Variants in DLGAP2 observed in about 807,000 individuals in gnomAD.
DLGAP2 encodes the protein DLG associated protein 2.
Under a neutral mutation model 100.3 loss-of-function variants are expected in DLGAP2, and 26 were observed. The ratio of observed to expected loss-of-function variants is 0.26; its 90% CI spans 0.19 to 0.36. The LOEUF (loss-of-function observed/expected upper bound fraction) is 0.36. Among genes scored for constraint, DLGAP2 ranks in the 10% least tolerant of loss-of-function variants. The pLI is 1.00. For synonymous variants in DLGAP2, 886 were observed against 630.1 expected, an observed-to-expected ratio of 1.41 and a Z score of -6.08; for missense variants, 1,858 against 1,453.2, an observed-to-expected ratio of 1.28 and a Z score of -4.53.
Position 1,437,476 on chromosome 8 carries a change from A to G in DLGAP2, c.107-63890A>G, listed in dbSNP as rs74409179. Reference sequence around the variant, plus strand: ...AAGACGATGTTTTCGGTGAAGCGCTATTTTACCAAATTTCTGAGCAGGTTC... The same window carrying G: ...AAGACGATGTTTTCGGTGAAGCGCTGTTTTACCAAATTTCTGAGCAGGTTC... On this transcript the variant is annotated intron_variant, in intron 3 of 14. Coordinates refer to ENST00000637795, the MANE Select transcript of DLGAP2 (RefSeq NM_001346810.2). 2.6e-4 allele frequency among the ~76,000 whole-genome samples: 39 copies of G among 152,268 alleles called. No individual in the cohort carries two copies. In the East Asian group the frequency reaches 7.1e-3, roughly 28 times the overall value.
At chr8:739,417 G>C (rs1460752579) in intron 1 of DLGAP2, 1 of 152,284 alleles carries the variant, frequency 6.6e-6, no homozygotes, top group African/African-American at 2.4e-5. Context: ...GCCCGAGGGA[G>C]TCCAGGAGGC....
chr8:1,590,079 G>C (rs4387000), intron 6 of DLGAP2, among the ~76,000 whole-genome samples: 80,130 of 152,020 alleles, frequency 0.53, 21,922 homozygotes, highest in African/African-American at 0.68. Flanking sequence ...GTGGCTGTGG[G>C]TGCATCACTC....
intron 3 of DLGAP2, among the ~76,000 whole-genome samples, chr8:1,495,683 G>A (rs962956050): frequency 2.6e-5 from 4 of 151,948 alleles, no homozygotes; most frequent in East Asian, 3.9e-4. Context: ...TCTTTGCCTC[G>A]CAGGATGCAG....
At chr8:1,317,231 C>T (rs1431293986) in intron 3 of DLGAP2, among the ~76,000 whole-genome samples, 5 of 134,320 alleles carry the variant, frequency 3.7e-5, no homozygotes, top group East Asian at 4.4e-4. Flanking sequence ...CACTCGGCAG[C>T]GTTTAAAAAT....
At chr8:1,337,924 T>G (rs369936036) in intron 3 of DLGAP2, among the ~76,000 whole-genome samples, 12 of 152,216 alleles carry the variant, frequency 7.9e-5, no homozygotes, top group African/African-American at 2.7e-4. Context: ...AATGTTCCAC[T>G]AAGTACAGGG....
intron 3 of DLGAP2, among the ~76,000 whole-genome samples, chr8:1,447,128 G>C (rs559458924): frequency 6.6e-6 from 1 of 152,168 alleles, no homozygotes; most frequent in Non-Finnish European, 1.5e-5. Context: ...TCCAGCACTA[G>C]GTTGAATAGG....
chr8:1,272,223 C>A (rs951887819), intron 3 of DLGAP2, among the ~76,000 whole-genome samples: 1 of 152,078 alleles, frequency 6.6e-6, no homozygotes, highest in African/African-American at 2.4e-5. Context: ...AAATGTAGGA[C>A]AAATTGAATT....
At chr8:1,112,710 T>A (rs563567274) in intron 2 of DLGAP2, among the ~76,000 whole-genome samples, 2 of 152,376 alleles carry the variant, frequency 1.3e-5, no homozygotes, top group Admixed American at 1.3e-4. Context: ...CTACAGAGGT[T>A]CTTAAGTTTA....
At chr8:1,666,234 AG>A (rs1563050781) in intron 8 of DLGAP2, among the ~76,000 whole-genome samples, 1 of 152,222 alleles carries the variant, frequency 6.6e-6, no homozygotes, top group African/African-American at 2.4e-5. Context: ...GGGAAAAGTC[AG>A]GAACAAAAGA....
intron 3 of DLGAP2, among the ~76,000 whole-genome samples, chr8:1,307,171 A>G (rs1800510816): frequency 9.6e-6 from 1 of 103,760 alleles, no homozygotes; most frequent in Non-Finnish European, 1.9e-5. Flanking sequence ...TACCTACACT[A>G]TTTAAATAAC....
chr8:796,825 T>C lies in DLGAP2; in HGVS notation c.18+59000T>C, dbSNP rs554396875. Reference sequence around the variant, plus strand: ...CTGGCACCATGACAGCCAGGTGGCTTCTGTGTTCCAGCCTCCTGGGGCCAC... The same window carrying C: ...CTGGCACCATGACAGCCAGGTGGCTCCTGTGTTCCAGCCTCCTGGGGCCAC... On this transcript the variant is annotated intron_variant, in intron 1 of 14. Transcript: ENST00000637795. Among the ~76,000 whole-genome samples the C allele has an allele frequency of 5.3e-5, 8 of 152,288 alleles. No individual in the cohort carries two copies. In the South Asian group the frequency reaches 8.3e-4, roughly 16 times the overall value.
chr8:1,237,038 T>C (rs1299325685), intron 2 of DLGAP2, among the ~76,000 whole-genome samples: 1 of 148,636 alleles, frequency 6.7e-6, no homozygotes, highest in African/African-American at 2.5e-5. Context: ...GCATCGTGTC[T>C]AGTTCTCTCA....
intron 5 of DLGAP2, among the ~76,000 whole-genome samples, chr8:1,552,185 C>G (rs748143902): frequency 4.6e-5 from 7 of 152,242 alleles, no homozygotes; most frequent in Non-Finnish European, 7.3e-5. Context: ...TCCTCGGAAA[C>G]AACACAGAGC....
At chr8:928,333 C>T (rs368657023) in intron 2 of DLGAP2, among the ~76,000 whole-genome samples, 1 of 152,018 alleles carries the variant, frequency 6.6e-6, no homozygotes, top group Non-Finnish European at 1.5e-5. Context: ...TTACGGAGGT[C>T]GAGTTTGCGT....
chr8:1,462,228 C>T (rs1414116994), intron 3 of DLGAP2, among the ~76,000 whole-genome samples: 1 of 73,340 alleles, frequency 1.4e-5, no homozygotes, highest in African/African-American at 5.9e-5. Context: ...AGAAGGGTGG[C>T]GTTCAGGTTG....
intron 3 of DLGAP2, among the ~76,000 whole-genome samples, chr8:1,299,677 T>G (rs1800283837): frequency 6.6e-6 from 1 of 152,208 alleles, no homozygotes; most frequent in African/African-American, 2.4e-5. Context: ...CTATCTAATA[T>G]TTTTAAATTA....
chr8:1,480,720 G>T (rs1799067057), intron 3 of DLGAP2, among the ~76,000 whole-genome samples: 1 of 151,518 alleles, frequency 6.6e-6, no homozygotes, highest in Admixed American at 6.6e-5. Flanking sequence ...TACAAAACTA[G>T]CCAGGCATGG....
At chr8:1,349,148 C>A (rs1210955569) in intron 3 of DLGAP2, among the ~76,000 whole-genome samples, 3 of 151,214 alleles carry the variant, frequency 2.0e-5, no homozygotes, top group Non-Finnish European at 2.9e-5. Context: ...CTTTCCCTTC[C>A]CGTTCACCTA....
intron 2 of DLGAP2, among the ~76,000 whole-genome samples, chr8:1,216,777 G>C (rs915747309): frequency 2.6e-5 from 4 of 152,068 alleles, no homozygotes; most frequent in African/African-American, 7.2e-5. Flanking sequence ...AAAAATCTCA[G>C]ATTTTTCTGA....
Sources: gnomAD v4.1 joint callset for allele counts (sites outside exome capture counted in the v4.1 genomes callset) on GRCh38, gnomAD v4.1.1 for gene constraint, MANE v1.5 for transcripts, NCBI Gene and HGNC (gene_info 2026-07-23, HGNC 2026-07-21) for gene names.